KANK1: variants seen among roughly 807,000 people sequenced by gnomAD.
The protein encoded by KANK1 is KN motif and ankyrin repeat domains 1, also known as KN motif and ankyrin repeat domain-containing protein 1.
KANK1 carries 109 observed loss-of-function variants against 106.2 expected under a neutral mutation model. That is an observed-to-expected ratio of 1.03 (90% confidence interval 0.88 to 1.20). KANK1 has a LOEUF of 1.20. Ranked by LOEUF, KANK1 falls within the 50% of genes most tolerant of loss-of-function variation. The pLI is 0.00. For synonymous variants in KANK1, 873 were observed against 652.2 expected (o/e 1.34, Z -5.16); for missense variants, 2,399 against 1,710.7 (o/e 1.40, Z -7.10).
At chr9:695,688 C>A (rs1821092211) in intron 2 of KANK1, among the ~76,000 whole-genome samples, 1 of 152,102 alleles carries the variant, frequency 6.6e-6, no homozygotes, top group Non-Finnish European at 1.5e-5. Flanking sequence ...CTCCAGACAA[C>A]AGAGGGTGAT....
At chr9:576,155 G>C (rs1254870166) in intron 1 of KANK1, among the ~76,000 whole-genome samples, 1 of 152,194 alleles carries the variant, frequency 6.6e-6, no homozygotes, top group African/African-American at 2.4e-5. Context: ...TTACTCTGAA[G>C]GTGGGAGTCT....
intron 2 of KANK1, among the ~76,000 whole-genome samples, chr9:704,897 G>T (rs1478932189): frequency 6.6e-6 from 1 of 150,854 alleles, no homozygotes; most frequent in Non-Finnish European, 1.5e-5. Flanking sequence ...GGAAGCTGAG[G>T]CGGGAGGATC....
chr9:569,173 C>T lies in KANK1; in HGVS notation c.-84+64419C>T, dbSNP rs371636026. On this transcript the variant is annotated intron_variant, in intron 1 of 11. Transcript: ENST00000382297. ...ACCTGCCTTCCTTTCTTCCTGCCTC[C>T]CCTCTGTTTTATCAACTTTGTCTCA... Among the ~76,000 whole-genome samples the T allele has an allele frequency of 5.4e-5, 8 of 147,288 alleles. No homozygotes were observed. In the East Asian group the frequency reaches 1.4e-3, roughly 25 times the overall value.
chr9:740,990 T>A, intron 9 of KANK1, 56 bp downstream of exon 9: 1 of 1,593,108 alleles, frequency 6.3e-7, no homozygotes, highest in Non-Finnish European at 8.6e-7. Flanking sequence ...CAGACAGGAC[T>A]GCGGTGGCCA....
At chr9:695,442 A>G (rs926624814) in intron 2 of KANK1, among the ~76,000 whole-genome samples, 3 of 143,732 alleles carry the variant, frequency 2.1e-5, no homozygotes, top group African/African-American at 7.8e-5. Flanking sequence ...ACTGGTACAT[A>G]CCACTCTGCC....
In KANK1 at chr9:712,959, C is replaced by G. The variant is rs751430726; in HGVS notation, c.2193C>G (p.Thr731=). 2.5e-6 allele frequency: 4 copies of G among 1,614,062 alleles called. No individual in the cohort carries two copies. Among genetic ancestry groups the G allele is most frequent in the South Asian group, 1.1e-5 (1 of 91,060 alleles). Residue 731 remains threonine (T), a synonymous_variant, in exon 3 of 12, where the codon ACC becomes ACG. Transcript: ENST00000382297. ...GTGTCAAGGACATCAACTCCTCCAC[C>G]AAGACGCGGTCCATTGGTGTTGGAA... ...EGRVKDINSS[T]KTRSIGVGTL...
chr9:682,908 C>G (rs937352966), intron 2 of KANK1, among the ~76,000 whole-genome samples: 1 of 152,196 alleles, frequency 6.6e-6, no homozygotes, highest in African/African-American at 2.4e-5. Flanking sequence ...CGGTGCACCC[C>G]ACTCTCGCTT....
Position 745,255 on chromosome 9 carries a change from T to C in KANK1, c.*20T>C, listed in dbSNP as rs1836897335. On this transcript the variant is annotated 3_prime_UTR_variant, in exon 12 of 12. Coordinates refer to ENST00000382297, the MANE Select transcript of KANK1 (RefSeq NM_015158.5). ...GATTGATTGTATGCAAATAGCCCTT[T>C]ATTTACATGCCACTATTAAGCTGCT... 2 of 1,613,820 alleles carry C rather than the reference T, an allele frequency of 1.2e-6. No homozygotes were observed. The highest frequency in any genetic ancestry group is 1.1e-5 in the South Asian group (1 of 91,068).
At chr9:637,226 A>C (rs7030653) in intron 1 of KANK1, among the ~76,000 whole-genome samples, 24,151 of 152,052 alleles carry the variant, frequency 0.16, 2,093 homozygotes, top group Admixed American at 0.18. Context: ...TTCAAACACT[A>C]CCAAGTAGTC....
At position 636,944 on chromosome 9, in the gene KANK1, C is replaced by G. The variant is rs557492330; in HGVS notation, c.-83-39946C>G. ...TTTCCCTCAGAGACTGTTTTTAAAC[C>G]AAGCCACTTTAGACTTTGCCAGTCC... On this transcript the variant is annotated intron_variant, in intron 1 of 11. Coordinates refer to ENST00000382297, the MANE Select transcript of KANK1 (RefSeq NM_015158.5). Among the ~76,000 whole-genome samples, 133 of 152,318 alleles carry G rather than the reference C, an allele frequency of 8.7e-4. 2 individuals are homozygous for G. Among genetic ancestry groups the G allele is most frequent in the African/African-American group, 3.0e-3 (125 of 41,550 alleles).
intron 2 of KANK1, among the ~76,000 whole-genome samples, chr9:678,599 A>G (rs1291627260): frequency 6.6e-6 from 1 of 152,110 alleles, no homozygotes; most frequent in Non-Finnish European, 1.5e-5. Context: ...ATGGTGGCGC[A>G]TGCCTGTAAT....
chr9:506,448 G>A lies in KANK1; in HGVS notation c.-84+1694G>A, dbSNP rs146667393. Among the ~76,000 whole-genome samples the A allele has an allele frequency of 2.5e-3, 385 of 152,224 alleles. 2 individuals carry two copies. Among genetic ancestry groups the A allele is most frequent in the African/African-American group, 9.0e-3 (375 of 41,520 alleles). On this transcript the variant is annotated intron_variant, in intron 1 of 11. Transcript: ENST00000382297. Reference sequence around the variant, plus strand: ...TACATTTTATCCCCTTAGGGCACAGGGATGCTTTCTGGGCTCTAGACTTGC... The same window carrying A: ...TACATTTTATCCCCTTAGGGCACAGAGATGCTTTCTGGGCTCTAGACTTGC...
At chr9:741,434 T>TGCC (rs1357577910) in intron 9 of KANK1, among the ~76,000 whole-genome samples, 1 of 150,686 alleles carries the variant, frequency 6.6e-6, no homozygotes, top group African/African-American at 2.4e-5. Flanking sequence ...GTGATTCTCC[T>TGCC]GCCTTAGCCT....
intron 1 of KANK1, among the ~76,000 whole-genome samples, chr9:603,553 C>T (rs1240810349): frequency 6.6e-6 from 1 of 151,782 alleles, no homozygotes; most frequent in African/African-American, 2.4e-5. Flanking sequence ...TTAACAGTTC[C>T]TTAACTCTAA....
At chr9:583,101 G>T (rs939773065) in intron 1 of KANK1, among the ~76,000 whole-genome samples, 1 of 152,172 alleles carries the variant, frequency 6.6e-6, no homozygotes, top group Non-Finnish European at 1.5e-5. Context: ...TAGTAACTTG[G>T]TTTGTGGCTG....
At chr9:720,631 C>T (rs1829058576) in intron 3 of KANK1, among the ~76,000 whole-genome samples, 1 of 152,224 alleles carries the variant, frequency 6.6e-6, no homozygotes, top group Non-Finnish European at 1.5e-5. Flanking sequence ...GCTGGGATTA[C>T]AGGCGTAAGC....
chr9:653,951 T>C (rs1841499877), intron 1 of KANK1, among the ~76,000 whole-genome samples: 1 of 152,190 alleles, frequency 6.6e-6, no homozygotes, highest in Admixed American at 6.5e-5. Flanking sequence ...TTGCAGAGTG[T>C]GCCACCCTGT....
In KANK1 at chr9:730,223, C is replaced by G; in HGVS notation, c.2871C>G (p.Asp957Glu). Residue 957 changes from aspartate (D) to glutamate (E), a missense_variant, in exon 4 of 12, where the codon GAC (aspartate) becomes GAG (glutamate). Asp to Glu is a conservative substitution (Grantham distance 45). Coordinates refer to ENST00000382297, the MANE Select transcript of KANK1 (RefSeq NM_015158.5). ...EGTLSPVNLT[D>E]DQIAAGLYAC... ...CGCTGTCTCCAGTGAACCTGACAGACGACCAGATCGCCGCTGGCCTCTATG... is the reference window on the plus strand; with the variant it reads ...CGCTGTCTCCAGTGAACCTGACAGAGGACCAGATCGCCGCTGGCCTCTATG... 1.2e-6 allele frequency: 2 copies of G among 1,614,180 alleles called. No homozygotes were observed. Among genetic ancestry groups the G allele is most frequent in the Non-Finnish European group, 1.7e-6 (2 of 1,180,036 alleles).
chr9:565,177 C>A, intron 1 of KANK1, among the ~76,000 whole-genome samples: 1 of 152,352 alleles, frequency 6.6e-6, no homozygotes, highest in Admixed American at 6.5e-5. Flanking sequence ...TTAAATTAAT[C>A]AGAGAGCTGG....
Sources: allele counts gnomAD v4.1 joint callset (sites outside exome capture counted in the v4.1 genomes callset), GRCh38; gene constraint gnomAD v4.1.1; transcripts MANE v1.5; gene names NCBI Gene and HGNC (gene_info 2026-07-23, HGNC 2026-07-21).